The following YPEL2 variants were observed in gnomAD, a reference collection of about 807,000 sequenced individuals.
The protein encoded by YPEL2 is yippee like 2.
YPEL2 carries 2 observed loss-of-function variants against 19.1 expected under a neutral mutation model. The observed-to-expected ratio is 0.10, with a 90% CI of 0.04 to 0.33. YPEL2 has a LOEUF of 0.33. YPEL2 is among the 10% of genes least tolerant of loss of function. The pLI is 1.00. For synonymous variants in YPEL2, 52 were observed against 50.0 expected, an observed-to-expected ratio of 1.04 and a Z score of -0.17; for missense variants, 66 against 140.7, an observed-to-expected ratio of 0.47 and a Z score of 2.68.
At chr17:59,386,492 AGGGAACTTCAT>A (rs1335325670) in intron 2 of YPEL2, among the ~76,000 whole-genome samples, 2 of 152,170 alleles carry the variant, frequency 1.3e-5, no homozygotes, top group African/African-American at 4.8e-5. Flanking sequence ...TCCCCATCAG[AGGGAACTTCAT>A]GGGCAAAGTT....
At chr17:59,350,159 C>T (rs2047780931) in intron 1 of YPEL2, among the ~76,000 whole-genome samples, 1 of 151,958 alleles carries the variant, frequency 6.6e-6, no homozygotes, top group South Asian at 2.1e-4. Flanking sequence ...CAGTCTCAAC[C>T]TCCTGGGCTC....
At chr17:59,388,953 C>T (rs2047994548) in intron 3 of YPEL2, 1 of 222,472 alleles carries the variant, frequency 4.5e-6, no homozygotes, top group Admixed American at 5.0e-5. Flanking sequence ...ATTCCTGTAT[C>T]AGGACCACAC....
At chr17:59,373,528 A>T (rs1035501178) in intron 2 of YPEL2, among the ~76,000 whole-genome samples, 1 of 152,152 alleles carries the variant, frequency 6.6e-6, no homozygotes, top group African/African-American at 2.4e-5. Flanking sequence ...AATGTATTTT[A>T]GTCCCGTTTT....
chr17:59,383,425 C>T (rs1450135875), intron 2 of YPEL2, among the ~76,000 whole-genome samples: 2 of 149,974 alleles, frequency 1.3e-5, no homozygotes, highest in Non-Finnish European at 3.0e-5. Flanking sequence ...GGTGAAACCC[C>T]GTGTCCACTA....
In YPEL2 at chr17:59,398,208, G is replaced by C. The variant is rs2147963300; in HGVS notation, c.*1018G>C. ...GTGGTGAGGGAGGGGACTGGGTAGG[G>C]GTCATCCCAGGAGGAGGGGTTTACA... On this transcript the variant is annotated 3_prime_UTR_variant, in exon 5 of 5. Coordinates refer to ENST00000312655, the MANE Select transcript of YPEL2 (RefSeq NM_001005404.4). 6.6e-6 allele frequency: 1 copy of C among 152,288 alleles called. No individual in the cohort carries two copies. The highest frequency in any genetic ancestry group is 6.5e-5 in the Admixed American group (1 of 15,286). The allele number at this position is 152,288 out of a possible 1,614,324, so 9.4% of individuals were successfully genotyped here.
At chr17:59,359,552 CTT>C (rs2047829867) in intron 2 of YPEL2, among the ~76,000 whole-genome samples, 1 of 151,990 alleles carries the variant, frequency 6.6e-6, no homozygotes, top group Admixed American at 6.6e-5. Context: ...AGATGTAGCC[CTT>C]GAAGATAATT....
chr17:59,382,614 A>G (rs1425038387), intron 2 of YPEL2, among the ~76,000 whole-genome samples: 1 of 152,234 alleles, frequency 6.6e-6, no homozygotes, highest in African/African-American at 2.4e-5. Flanking sequence ...TTTTTAATGA[A>G]CATTTGTATA....
chr17:59,383,114 G>A (rs1199961081), intron 2 of YPEL2, among the ~76,000 whole-genome samples: 1 of 152,074 alleles, frequency 6.6e-6, no homozygotes, highest in East Asian at 1.9e-4. Flanking sequence ...TATAGATATA[G>A]GAATTGAGTG....
intron 1 of YPEL2, among the ~76,000 whole-genome samples, chr17:59,340,107 A>G (rs1255373741): frequency 6.6e-6 from 1 of 150,744 alleles, no homozygotes; most frequent in Non-Finnish European, 1.5e-5. Flanking sequence ...AATTTTGTGG[A>G]ACTTTTTTTT....
intron 1 of YPEL2, among the ~76,000 whole-genome samples, chr17:59,333,710 C>G (rs771869914): frequency 6.6e-6 from 1 of 152,132 alleles, no homozygotes; most frequent in South Asian, 2.1e-4. Context: ...TGAGAAGCAT[C>G]GCTTTAAGGC....
chr17:59,376,366 C>G (rs950052006), intron 2 of YPEL2, among the ~76,000 whole-genome samples: 2 of 152,100 alleles, frequency 1.3e-5, no homozygotes, highest in Non-Finnish European at 2.9e-5. Flanking sequence ...TTACAGGCAC[C>G]CGCCACCACA....
Position 59,397,373 on chromosome 17 carries a change from CTT to C in YPEL2, c.*185_*186del. 2 of 450,618 alleles carry C rather than the reference CTT, an allele frequency of 4.4e-6. No homozygotes were observed. Among genetic ancestry groups the C allele is most frequent in the East Asian group, 3.6e-5 (1 of 28,040 alleles). 27.9% of individuals were successfully genotyped at this position (450,618 alleles called of 1,614,324 possible). A position where few individuals can be genotyped will look rare whatever the true frequency, so the allele number is the denominator to read the frequency against. ...CCTCTAAATCGCTGTCTCTCTGTCT[CTT>C]TGCTTTGTATCTGTTTGTGAGTTGA... On this transcript the variant is annotated 3_prime_UTR_variant, in exon 5 of 5. Transcript: ENST00000312655.
chr17:59,353,701 G>A lies in YPEL2; in HGVS notation c.117+175G>A, dbSNP rs1464884704. Reference sequence around the variant, plus strand: ...AAAAACTCTGAGTTGGAGGGACAGAGTAGTCATTTAATTTGTTATTTTGGA... The same window carrying A: ...AAAAACTCTGAGTTGGAGGGACAGAATAGTCATTTAATTTGTTATTTTGGA... On this transcript the variant is annotated intron_variant, in intron 2 of 4. Transcript: ENST00000312655. This position sits in a 1 kb window ranked among gnomAD's most constrained non-coding sequence, Gnocchi z 4.8. 6.1e-6 allele frequency: 4 copies of A among 651,004 alleles called. No homozygotes were observed. The East Asian group carries it at 8.9e-5, about 14-fold the overall frequency. 40.3% of individuals were successfully genotyped at this position (651,004 alleles called of 1,614,324 possible).
intron 2 of YPEL2, among the ~76,000 whole-genome samples, chr17:59,368,920 A>AT (rs1310877488): frequency 1.3e-5 from 2 of 152,220 alleles, no homozygotes; most frequent in Non-Finnish European, 2.9e-5. Flanking sequence ...CATTGATAAC[A>AT]TGCCATAGCT....
chr17:59,391,690 G>T (rs1243643690), intron 4 of YPEL2, among the ~76,000 whole-genome samples: 4 of 152,082 alleles, frequency 2.6e-5, no homozygotes, highest in African/African-American at 7.2e-5. Context: ...CTGAGGTCAA[G>T]AGTTCGAGAC....
chr17:59,364,503 C>T (rs2047857930), intron 2 of YPEL2, among the ~76,000 whole-genome samples: 1 of 152,064 alleles, frequency 6.6e-6, no homozygotes, highest in African/African-American at 2.4e-5. Flanking sequence ...AATGTAGTAG[C>T]ATAAGATGAT....
intron 2 of YPEL2, among the ~76,000 whole-genome samples, chr17:59,370,845 A>G (rs1211086896): frequency 6.6e-6 from 1 of 151,944 alleles, no homozygotes; most frequent in East Asian, 2.0e-4. Context: ...AAACCAGACA[A>G]GAGGAACTCA....
intron 1 of YPEL2, among the ~76,000 whole-genome samples, chr17:59,349,947 CTG>C (rs2047779759): frequency 6.6e-6 from 1 of 152,262 alleles, no homozygotes; most frequent in Non-Finnish European, 1.5e-5. Context: ...GCATGAGCCA[CTG>C]TGCCTGGCCC....
chr17:59,335,954 C>T (rs2047696718), intron 1 of YPEL2, among the ~76,000 whole-genome samples: 1 of 151,898 alleles, frequency 6.6e-6, no homozygotes, highest in Admixed American at 6.6e-5. Context: ...CCCTCAGCCT[C>T]TCTTAATCCC....
Sources: gnomAD v4.1 joint callset for allele counts (sites outside exome capture counted in the v4.1 genomes callset) on GRCh38, gnomAD v4.1.1 for gene constraint, Gnocchi (gnomAD v3.1) non-coding constraint, MANE v1.5 for transcripts, NCBI Gene and HGNC (gene_info 2026-07-23, HGNC 2026-07-21) for gene names.